The following NLGN1 variants were observed in gnomAD, a reference collection of about 807,000 sequenced individuals.
NLGN1 encodes the protein neuroligin-1.
In NLGN1, 12 loss-of-function variants were observed where a neutral mutation model predicts 65.5. The ratio of observed to expected loss-of-function variants is 0.18; its 90% CI spans 0.12 to 0.30. The LOEUF is 0.30. NLGN1 is among the 10% of genes least tolerant of loss of function. NLGN1 has a pLI of 1.00. For synonymous variants in NLGN1, 350 were observed against 359.5 expected, an observed-to-expected ratio of 0.97 and a Z score of 0.30; for missense variants, 750 against 1,007.1, an observed-to-expected ratio of 0.74 and a Z score of 3.46.
intron 2 of NLGN1, among the ~76,000 whole-genome samples, chr3:173,506,233 A>G (rs975298456): frequency 2.0e-5 from 3 of 152,058 alleles, no homozygotes; most frequent in African/African-American, 7.2e-5. Context: ...AGTTCGACAT[A>G]CTAAAGGTGA....
chr3:173,677,033 A>G (rs1763262705), intron 3 of NLGN1, among the ~76,000 whole-genome samples: 1 of 152,164 alleles, frequency 6.6e-6, no homozygotes, highest in African/African-American at 2.4e-5. Context: ...CCCAGAGCAT[A>G]TTAAATTTCC....
intron 4 of NLGN1, among the ~76,000 whole-genome samples, chr3:174,120,670 A>G (rs1206602649): frequency 6.6e-6 from 1 of 152,168 alleles, no homozygotes; most frequent in East Asian, 1.9e-4. Flanking sequence ...ACAACTGGAG[A>G]TCTCACAACA....
At chr3:173,749,482 C>T (rs778955591) in intron 3 of NLGN1, among the ~76,000 whole-genome samples, 3 of 151,974 alleles carry the variant, frequency 2.0e-5, no homozygotes, top group Non-Finnish European at 4.4e-5. Context: ...GAGCATTTGG[C>T]ACTTTGCTGA....
At chr3:174,208,333 A>T (rs551720017) in intron 4 of NLGN1, among the ~76,000 whole-genome samples, 1 of 152,326 alleles carries the variant, frequency 6.6e-6, no homozygotes, top group East Asian at 1.9e-4. Context: ...GGTGAGGATA[A>T]TCTGATTTGT....
intron 4 of NLGN1, among the ~76,000 whole-genome samples, chr3:174,265,688 C>CCAT (rs1371945737): frequency 6.6e-6 from 1 of 151,052 alleles, no homozygotes; most frequent in African/African-American, 2.4e-5. Flanking sequence ...TCCTATCCGG[C>CCAT]CATCTTTTTT....
intron 3 of NLGN1, among the ~76,000 whole-genome samples, chr3:173,648,211 A>G (rs1167722350): frequency 6.6e-6 from 1 of 152,208 alleles, no homozygotes; most frequent in African/African-American, 2.4e-5. Context: ...GGATGAACAG[A>G]TATGCTACAA....
intron 2 of NLGN1, among the ~76,000 whole-genome samples, chr3:173,590,586 A>G (rs144511786): frequency 4.5e-4 from 68 of 152,280 alleles, no homozygotes; most frequent in African/African-American, 1.6e-3. Flanking sequence ...CTGGAAATCA[A>G]TAAACGTTTA....
chr3:174,153,573 G>A (rs1724809181), intron 4 of NLGN1, among the ~76,000 whole-genome samples: 1 of 152,062 alleles, frequency 6.6e-6, no homozygotes, highest in Admixed American at 6.6e-5. Context: ...TTTAAAACAG[G>A]AAACATCTTT....
In NLGN1 at chr3:174,119,456, G is replaced by A. The variant is rs535471337; in HGVS notation, c.647-155859G>A. 3.3e-5 allele frequency among the ~76,000 whole-genome samples: 5 copies of A among 152,046 alleles called. No individual in the cohort carries two copies. The South Asian group carries it at 6.2e-4, about 19-fold the overall frequency. ...TAGAATTTATTTTTAAATCCCCCTT[G>A]TCTTAAAATTTTGTGCCAACCTATT... On this transcript the variant is annotated intron_variant, in intron 4 of 6. Coordinates refer to ENST00000457714, the Ensembl canonical transcript of NLGN1.
chr3:173,815,609 G>A (rs1718878758), intron 4 of NLGN1, among the ~76,000 whole-genome samples: 1 of 152,004 alleles, frequency 6.6e-6, no homozygotes, highest in Non-Finnish European at 1.5e-5. Context: ...CTTCGTCTCA[G>A]TCTCCTTTGC....
chr3:174,080,922 G>GGC (rs1742035145), intron 4 of NLGN1, among the ~76,000 whole-genome samples: 5 of 141,204 alleles, frequency 3.5e-5, no homozygotes. Flanking sequence ...TGACATTCCT[G>GGC]GTGTGTGTGT....
At chr3:174,104,552 G>T (rs1713287657) in intron 4 of NLGN1, among the ~76,000 whole-genome samples, 2 of 152,236 alleles carry the variant, frequency 1.3e-5, no homozygotes, top group Admixed American at 1.3e-4. Context: ...CAGCATGTAA[G>T]TTAGACACGT....
chr3:173,940,203 C>T (rs902134558), intron 4 of NLGN1, among the ~76,000 whole-genome samples: 1 of 150,222 alleles, frequency 6.7e-6, no homozygotes, highest in African/African-American at 2.5e-5. Flanking sequence ...ATTCTCCTGC[C>T]TCAGCCTCCT....
chr3:174,060,580 C>G (rs929117033), intron 4 of NLGN1, among the ~76,000 whole-genome samples: 1 of 152,070 alleles, frequency 6.6e-6, no homozygotes, highest in Non-Finnish European at 1.5e-5. Flanking sequence ...CTCTCTCTTG[C>G]CACATCCCAT....
chr3:174,104,915 G>T (rs1206635249), intron 4 of NLGN1, among the ~76,000 whole-genome samples: 1 of 152,088 alleles, frequency 6.6e-6, no homozygotes, highest in Non-Finnish European at 1.5e-5. Context: ...TTATTCTGGG[G>T]TCAAAGATGG....
At chr3:173,736,792 A>G (rs1773843262) in intron 3 of NLGN1, among the ~76,000 whole-genome samples, 1 of 152,084 alleles carries the variant, frequency 6.6e-6, no homozygotes, top group Non-Finnish European at 1.5e-5. Flanking sequence ...AAGTAGAAAT[A>G]TATATTTATA....
chr3:174,293,820 A>G, the NLGN1 span, among the ~76,000 whole-genome samples: 8 of 151,756 alleles, frequency 5.3e-5, no homozygotes, highest in South Asian at 1.7e-3. Context: ...ATCATGTGGA[A>G]AAAAGTGTTA....
At chr3:173,880,871 A>G (rs1217605440) in intron 4 of NLGN1, among the ~76,000 whole-genome samples, 1 of 152,206 alleles carries the variant, frequency 6.6e-6, no homozygotes, top group Non-Finnish European at 1.5e-5. Flanking sequence ...ACTTCTTTCC[A>G]AATTGAAGTC....
intron 4 of NLGN1, among the ~76,000 whole-genome samples, chr3:173,876,613 C>G (rs1044894238): frequency 3.3e-5 from 5 of 151,920 alleles, no homozygotes; most frequent in African/African-American, 7.2e-5. Flanking sequence ...ATAAGATGAG[C>G]CTGGGGCATC....
Sources: allele counts gnomAD v4.1 joint callset (sites outside exome capture counted in the v4.1 genomes callset), GRCh38; gene constraint gnomAD v4.1.1; transcripts MANE v1.5; gene names NCBI Gene and HGNC (gene_info 2026-07-23, HGNC 2026-07-21).